WTIP: variants seen among roughly 807,000 people sequenced by gnomAD.
The protein encoded by WTIP is WT1 interacting protein.
A neutral mutation model predicts 41.7 loss-of-function variants in WTIP; 23 were observed. The observed-to-expected ratio is 0.55, with a 90% confidence interval of 0.40 to 0.78. The LOEUF (loss-of-function observed/expected upper bound fraction) is 0.78. WTIP is among the 30% of genes least tolerant of loss of function. The pLI is 0.00. For synonymous variants in WTIP, 314 were observed against 269.9 expected (o/e 1.16, Z -1.60); for missense variants, 619 against 610.5 (o/e 1.01, Z -0.15).
chr19:34,483,251 T>C (rs915401437), intron 1 of WTIP, among the ~76,000 whole-genome samples: 18 of 148,624 alleles, frequency 1.2e-4, no homozygotes, highest in African/African-American at 4.4e-4. Flanking sequence ...CTTAAACTCC[T>C]GGGCTCAAGC....
chr19:34,489,383 AC>A (rs2075814336), intron 1 of WTIP, among the ~76,000 whole-genome samples: 1 of 151,928 alleles, frequency 6.6e-6, no homozygotes, highest in Non-Finnish European at 1.5e-5. Flanking sequence ...CTGTGTGCTG[AC>A]TGACCAAGAG....
chr19:34,497,165 C>A (rs1370205192), intron 7 of WTIP, among the ~76,000 whole-genome samples: 1 of 152,036 alleles, frequency 6.6e-6, no homozygotes, highest in African/African-American at 2.4e-5. Flanking sequence ...ACCAGGCCTT[C>A]TTTTCTGAAT....
In WTIP at chr19:34,482,613, C is replaced by A; in HGVS notation, c.639C>A (p.Leu213=). 3 of 1,229,744 alleles carry A rather than the reference C, an allele frequency of 2.4e-6. No individual in the cohort carries two copies. The South Asian group carries it at 1.2e-4, about 50-fold the overall frequency. 76.2% of individuals were successfully genotyped at this position (1,229,744 alleles called of 1,614,324 possible). ...TCACCCGGGAGCTGGAGCGGGCGCTCGAGGCGCGCACGGCGCGGGACTACT... is the reference window on the plus strand; with the variant it reads ...TCACCCGGGAGCTGGAGCGGGCGCTAGAGGCGCGCACGGCGCGGGACTACT... ...EALTRELERA[L]EARTARDYFG... Residue 213 remains leucine, a synonymous_variant, in exon 1 of 8, where the codon CTC becomes CTA. Coordinates refer to ENST00000590071, the MANE Select transcript of WTIP (RefSeq NM_001080436.2).
intron 2 of WTIP, 133 bp from the exon 3 acceptor site, chr19:34,492,898 ATAATAT>A: frequency 1.4e-6 from 1 of 727,280 alleles, no homozygotes; most frequent in Non-Finnish European, 2.3e-6. Flanking sequence ...CAATAACAAC[ATAATAT>A]TAAAGGGAAA....
At position 34,485,881 on chromosome 19, in the gene WTIP, C is replaced by T. The variant is rs530148646; in HGVS notation, c.667+3240C>T. On this transcript the variant is annotated intron_variant, in intron 1 of 7. Transcript: ENST00000590071. The stretch of plus-strand genomic sequence containing the variant: ...GTGTTGGGATTACAGGCGGGAGCCA[C>T]TACGCCTGGCCAGAGCTTTTTTTCT... 7.2e-5 allele frequency among the ~76,000 whole-genome samples: 11 copies of T among 152,332 alleles called. No individual in the cohort carries two copies. In the East Asian group the frequency reaches 2.1e-3, roughly 29 times the overall value.
chr19:34,488,325 C>T lies in WTIP; in HGVS notation c.668-2051C>T, dbSNP rs191122713. Among the ~76,000 whole-genome samples the T allele has an allele frequency of 1.9e-4, 29 of 152,176 alleles. No homozygotes were observed. In the South Asian group the frequency reaches 3.7e-3, roughly 20 times the overall value. ...TCCTGACCTCCTGATCCACCCACCT[C>T]GGCCTCCCAAAGTGCTGAGATTACA... On this transcript the variant is annotated intron_variant, in intron 1 of 7. Coordinates refer to ENST00000590071, the MANE Select transcript of WTIP (RefSeq NM_001080436.2).
At chr19:34,492,817 G>A (rs1376954976) in intron 2 of WTIP, among the ~76,000 whole-genome samples, 5 of 151,482 alleles carry the variant, frequency 3.3e-5, no homozygotes, top group African/African-American at 1.2e-4. Context: ...TATTTGTTTT[G>A]GCAACCTTTT....
At position 34,482,205 on chromosome 19, in the gene WTIP, G is replaced by A; in HGVS notation, c.231G>A (p.Ala77=). The change falls in exon 1 of 8, where the codon GCG becomes GCA. Residue 77 remains alanine (A), a synonymous_variant. Coordinates refer to ENST00000590071, the MANE Select transcript of WTIP (RefSeq NM_001080436.2). The stretch of plus-strand genomic sequence containing the variant: ...GGGAGCGGGGTCCCCGGCGCGCGGC[G>A]GTTCCGGAGCTCAGCGCGCAGCCTG... The part of the protein sequence containing the change: ...SRGERGPRRA[A]VPELSAQPAG... The A allele has an allele frequency of 1.8e-6, 2 of 1,124,586 alleles. No individual in the cohort carries two copies. Among genetic ancestry groups the A allele is most frequent in the Non-Finnish European group, 2.2e-6 (2 of 921,696 alleles). 69.7% of individuals were successfully genotyped at this position (1,124,586 alleles called of 1,614,324 possible). A position where few individuals can be genotyped will look rare whatever the true frequency, so the allele number is the denominator to read the frequency against.
At chr19:34,488,308 T>A (rs1384315212) in intron 1 of WTIP, among the ~76,000 whole-genome samples, 1 of 152,078 alleles carries the variant, frequency 6.6e-6, no homozygotes, top group African/African-American at 2.4e-5. Flanking sequence ...ACTCCTGACC[T>A]CCTGATCCAC....
intron 1 of WTIP, among the ~76,000 whole-genome samples, chr19:34,489,696 A>C (rs1162916143): frequency 6.6e-6 from 1 of 152,226 alleles, no homozygotes; most frequent in Admixed American, 6.5e-5. Flanking sequence ...TAATTGCAGC[A>C]CTTGGGGAAG....
In WTIP at chr19:34,512,048, G is replaced by T. The variant is rs116205681; in HGVS notation, c.*11779G>T. The stretch of plus-strand genomic sequence containing the variant: ...GTTTTATTTTACATCTCTCAGTAAA[G>T]CTTTATGGATTAGGGTCTTCAGAAG... On this transcript the variant is annotated 3_prime_UTR_variant, in exon 8 of 8. Coordinates refer to ENST00000590071, the MANE Select transcript of WTIP (RefSeq NM_001080436.2). 1 of 152,086 alleles carries T rather than the reference G, an allele frequency of 6.6e-6. No homozygotes were observed. The highest frequency in any genetic ancestry group is 1.5e-5 in the Non-Finnish European group (1 of 68,032). 9.4% of individuals were successfully genotyped at this position (152,086 alleles called of 1,614,324 possible).
In WTIP at chr19:34,490,803, T is replaced by C. The variant is rs1482330760; in HGVS notation, c.769+326T>C. ...TGCCTGTCTGGACATACGACTAATA[T>C]TTCTTTTTCCTGCTATCTATTTTTG... On this transcript the variant is annotated intron_variant, in intron 2 of 7. Coordinates refer to ENST00000590071, the MANE Select transcript of WTIP (RefSeq NM_001080436.2). 2.0e-5 allele frequency among the ~76,000 whole-genome samples: 3 copies of C among 152,178 alleles called. No individual in the cohort carries two copies. The East Asian group carries it at 5.8e-4, about 29-fold the overall frequency.
intron 1 of WTIP, among the ~76,000 whole-genome samples, chr19:34,489,443 G>A (rs1022429611): frequency 6.6e-6 from 1 of 152,086 alleles, no homozygotes; most frequent in African/African-American, 2.4e-5. Context: ...GTACAGAGGA[G>A]GACAGAGTGG....
rs1337643375 is a variant in WTIP at position 34,507,248 on chromosome 19, T to G, written c.*6979T>G. 6.7e-6 allele frequency: 1 copy of G among 149,386 alleles called. No homozygotes were observed. The highest frequency in any genetic ancestry group is 1.5e-5 in the Non-Finnish European group (1 of 67,556). 9.3% of individuals were successfully genotyped at this position (149,386 alleles called of 1,614,324 possible). A position where few individuals can be genotyped will look rare whatever the true frequency, so the allele number is the denominator to read the frequency against. On this transcript the variant is annotated 3_prime_UTR_variant, in exon 8 of 8. Coordinates refer to ENST00000590071, the MANE Select transcript of WTIP (RefSeq NM_001080436.2). ...CAAAAAAAAAAAAAAAAAAAAAAAT[T>G]GTATTCGGCCTATGATGAAATATTT...
Position 34,500,189 on chromosome 19 carries a change from C to G in WTIP, c.1213C>G (p.Leu405Val). ...CCGTTGCTATCCCCTGGCGGGCCAC[C>G]TACTGTGTCGTCGTTGCCACCTGCG... ...GRRCYPLAGH[L>V]LCRRCHLRRL... The change falls in exon 8 of 8, where the codon CTA becomes GTA. Residue 405 changes from leucine (L) to valine (V), a missense_variant. By Grantham distance (32) the Leu-to-Val change is conservative. Transcript: ENST00000590071. The G allele has an allele frequency of 1.2e-6, 2 of 1,604,530 alleles. No individual in the cohort carries two copies. The highest frequency in any genetic ancestry group is 1.7e-6 in the Non-Finnish European group (2 of 1,179,748).
chr19:34,499,486 T>G (rs1208534191), intron 7 of WTIP, among the ~76,000 whole-genome samples: 1 of 152,032 alleles, frequency 6.6e-6, no homozygotes, highest in East Asian at 1.9e-4. Flanking sequence ...CCAGCCTGGG[T>G]GACAGTGAGA....
In WTIP at chr19:34,490,432, A is replaced by T. The variant is rs767308834; in HGVS notation, c.724A>T (p.Met242Leu). The T allele has an allele frequency of 6.2e-7, 1 of 1,613,926 alleles. No homozygotes were observed. Among genetic ancestry groups the T allele is most frequent in the East Asian group, 2.2e-5 (1 of 44,880 alleles). Residue 242 changes from methionine (M) to leucine (L), a missense_variant, in exon 2 of 8, where the codon ATG becomes TTG. Met to Leu is a conservative substitution (Grantham distance 15). This residue lies in a region of WTIP where 164 missense variants were observed against 219.1 expected (regional missense o/e 0.75). Coordinates refer to ENST00000590071, the MANE Select transcript of WTIP (RefSeq NM_001080436.2). Reference sequence around the variant, plus strand: ...CGGAGCCCAGCAGGCGTGCCAGGCAATGGGGAGTCTTTATCACACTGACTG... The same window carrying T: ...CGGAGCCCAGCAGGCGTGCCAGGCATTGGGGAGTCTTTATCACACTGACTG... The part of the protein sequence containing the change: ...IYGAQQACQA[M>L]GSLYHTDCFT...
intron 1 of WTIP, among the ~76,000 whole-genome samples, chr19:34,487,258 C>T (rs959021272): frequency 1.3e-5 from 2 of 151,856 alleles, no homozygotes; most frequent in African/African-American, 4.8e-5. Context: ...TCCACCACCA[C>T]GCCCGGCTAA....
At chr19:34,494,781 T>A in intron 6 of WTIP, 144 bp downstream of exon 6, 2 of 834,904 alleles carry the variant, frequency 2.4e-6, no homozygotes, top group Non-Finnish European at 3.7e-6. Flanking sequence ...CTGAGGGATG[T>A]GTGTTGTGCT....
Sources: allele counts gnomAD v4.1 joint callset (sites outside exome capture counted in the v4.1 genomes callset), GRCh38; gene constraint gnomAD v4.1.1; regional missense constraint gnomAD v4.1.1; transcripts MANE v1.5; gene names NCBI Gene and HGNC (gene_info 2026-07-23, HGNC 2026-07-21).